MYH14: variants seen among roughly 807,000 people sequenced by gnomAD.
MYH14 encodes myosin heavy chain 14.
A neutral mutation model predicts 255.5 loss-of-function variants in MYH14; 123 were observed. The ratio of observed to expected loss-of-function variants is 0.48; its 90% CI spans 0.42 to 0.56. MYH14 has a LOEUF of 0.56. MYH14 is among the 20% of genes least tolerant of loss of function. The pLI is 0.00. For missense variants in MYH14, 2,423 were observed against 2,802.3 expected (o/e 0.86, Z 3.06); for synonymous variants, 1,095 against 1,161.2 (o/e 0.94, Z 1.16).
chr19:50,295,386 A>C (rs2036233926), intron 39 of MYH14, among the ~76,000 whole-genome samples: 1 of 152,174 alleles, frequency 6.6e-6, no homozygotes, highest in Non-Finnish European at 1.5e-5. Context: ...TCATGCCTGT[A>C]ATCTCAGCAC....
At chr19:50,274,918 G>A (rs1414975112) in intron 27 of MYH14, among the ~76,000 whole-genome samples, 4 of 145,330 alleles carry the variant, frequency 2.8e-5, no homozygotes, top group East Asian at 4.0e-4. Context: ...GTGACAGAAC[G>A]AGACCCTCTC....
intron 15 of MYH14, among the ~76,000 whole-genome samples, chr19:50,251,219 T>C (rs575953072): frequency 6.6e-6 from 1 of 152,184 alleles, no homozygotes; most frequent in African/African-American, 2.4e-5. Context: ...CCGGCAAACA[T>C]TTTCTGTAAA....
rs950320701 is a variant in MYH14 at position 50,250,648 on chromosome 19, G to A, written c.1790G>A (p.Arg597Gln). The change falls in exon 15 of 43, where the codon CGG (arginine) becomes CAG (glutamine). Residue 597 changes from arginine to glutamine, a missense_variant. Physicochemically the swap from Arg to Gln is conservative, Grantham distance 43. Coordinates refer to ENST00000642316, the MANE Select transcript of MYH14 (RefSeq NM_001145809.2). This position sits in a 1 kb window ranked among gnomAD's most constrained non-coding sequence, Gnocchi z 5.4. ...AAGTTCCAGCGGCCGAGGCACCTGC[G>A]GGATCAGGCCGACTTCAGTGTTCTC... ...HPKFQRPRHL[R>Q]DQADFSVLHY... 36 of 1,613,836 alleles carry A rather than the reference G, an allele frequency of 2.2e-5. No homozygotes were observed. Among genetic ancestry groups the A allele is most frequent in the Middle Eastern group, 1.6e-4 (1 of 6,082 alleles).
intron 39 of MYH14, among the ~76,000 whole-genome samples, chr19:50,300,639 C>T (rs2036448457): frequency 7.0e-6 from 1 of 142,450 alleles, no homozygotes; most frequent in African/African-American, 2.5e-5. Flanking sequence ...ATTCCAGCTA[C>T]TCAAGAGGCT....
Position 50,309,952 on chromosome 19 carries a change from TCC to T in MYH14, c.*164_*165del. 1.3e-6 allele frequency: 1 copy of T among 754,418 alleles called. No homozygotes were observed. Among genetic ancestry groups the T allele is most frequent in the South Asian group, 1.6e-5 (1 of 63,870 alleles). The allele number at this position is 754,418 out of a possible 1,614,324, so 46.7% of individuals were successfully genotyped here. A position where few individuals can be genotyped will look rare whatever the true frequency, so the allele number is the denominator to read the frequency against. Reference sequence around the variant, plus strand: ...ACCCCCACCTGGGTCCCCTGCAACCTCCCATCAAAGGATGACCCCTAAACACA... The same window carrying T: ...ACCCCCACCTGGGTCCCCTGCAACCTCATCAAAGGATGACCCCTAAACACA... On this transcript the variant is annotated 3_prime_UTR_variant, in exon 43 of 43. Coordinates refer to ENST00000642316, the MANE Select transcript of MYH14 (RefSeq NM_001145809.2).
In MYH14 at chr19:50,260,762, C is replaced by CGT. The variant is rs1555768389; in HGVS notation, c.2424+49_2424+50dup. 6.8e-6 allele frequency: 9 copies of CGT among 1,316,086 alleles called. 1 individual carries two copies. Among genetic ancestry groups the CGT allele is most frequent in the Admixed American group, 3.6e-5 (2 of 55,662 alleles). The allele number at this position is 1,316,086 out of a possible 1,614,324, so 81.5% of individuals were successfully genotyped here. On this transcript the variant is annotated intron_variant, in intron 20 of 42. Coordinates refer to ENST00000642316, the MANE Select transcript of MYH14 (RefSeq NM_001145809.2). ...ATGCGTGTGTGCGTGTGTGTGTGTG[C>CGT]GTGCATGAGTGTGCGTGCATGTGTG...
chr19:50,205,549 C>A (rs955664724), intron 1 of MYH14: 1 of 152,336 alleles, frequency 6.6e-6, no homozygotes, highest in African/African-American at 2.4e-5. Context: ...CGGTCGGCGC[C>A]CCCAGGTAGC....
At chr19:50,282,109 A>G (rs2035745820) in intron 33 of MYH14, among the ~76,000 whole-genome samples, 1 of 152,210 alleles carries the variant, frequency 6.6e-6, no homozygotes, top group South Asian at 2.1e-4. Context: ...AAATATACGA[A>G]TACCTTCAGT....
intron 21 of MYH14, 37 bp downstream of exon 21, chr19:50,261,672 C>G: frequency 1.3e-6 from 2 of 1,541,598 alleles, no homozygotes; most frequent in Non-Finnish European, 1.7e-6. Context: ...TCCTGTTGGC[C>G]GAGACTGGGT....
At chr19:50,240,429 A>T (rs2033846293) in intron 10 of MYH14, among the ~76,000 whole-genome samples, 1 of 152,178 alleles carries the variant, frequency 6.6e-6, no homozygotes, top group South Asian at 2.1e-4. Context: ...ACATTTTTTT[A>T]AATTAGCTGG....
In MYH14 at chr19:50,208,447, C is replaced by A. The variant is rs993364319; in HGVS notation, c.-3-1916C>A. Among the ~76,000 whole-genome samples, 80 of 144,552 alleles carry A rather than the reference C, an allele frequency of 5.5e-4. 1 individual carries two copies. Among genetic ancestry groups the A allele is most frequent in the Admixed American group, 3.6e-3 (53 of 14,742 alleles). The allele number at this position is 144,552 out of a possible 152,430, so 94.8% of individuals were successfully genotyped here. ...AAAAACAAACAAACAAACAAACAAA[C>A]AAACAAACAAAAAAACCCAACAAAC... On this transcript the variant is annotated intron_variant, in intron 1 of 42. Transcript: ENST00000642316.
chr19:50,252,169 G>A lies in MYH14; in HGVS notation c.1831-470G>A, dbSNP rs1366266925. Among the ~76,000 whole-genome samples the A allele has an allele frequency of 1.3e-5, 2 of 152,172 alleles. No homozygotes were observed. Among genetic ancestry groups the A allele is most frequent in the East Asian group, 3.9e-4 (2 of 5,186 alleles). ...TCAGACCTGGGCCCTGCCCTCGGGG[G>A]ACCGCTGTCTGGTGGGGGGCACATA... On this transcript the variant is annotated intron_variant, in intron 15 of 42. Coordinates refer to ENST00000642316, the MANE Select transcript of MYH14 (RefSeq NM_001145809.2). The surrounding 1 kb of genome is among the most constrained non-coding windows in gnomAD (Gnocchi z 4.2).
Position 50,259,277 on chromosome 19 carries a change from C to G in MYH14, c.2354+12C>G, listed in dbSNP as rs1052305922. ...GAGTTCCGGCAGCGGTGAGCTAGAG[C>G]GAGGGCCCAGGCCCGGCGGAGGGGC... On this transcript the variant is annotated intron_variant, in intron 19 of 42. Transcript: ENST00000642316. 2 of 1,563,410 alleles carry G rather than the reference C, an allele frequency of 1.3e-6. No homozygotes were observed. Among genetic ancestry groups the G allele is most frequent in the African/African-American group, 1.4e-5 (1 of 73,586 alleles).
intron 40 of MYH14, among the ~76,000 whole-genome samples, chr19:50,302,699 G>T (rs181370531): frequency 6.6e-6 from 1 of 152,140 alleles, no homozygotes; most frequent in African/African-American, 2.4e-5. Context: ...TCGGGAGTTC[G>T]AGACCAGCCT....
chr19:50,286,406 CT>C (rs1378802662), intron 33 of MYH14, 75 bp from the exon 34 acceptor site: 2 of 1,348,322 alleles, frequency 1.5e-6, no homozygotes, highest in African/African-American at 2.9e-5. Flanking sequence ...TTCCTGGCTG[CT>C]CCCTCTTCCC....
At chr19:50,281,567 C>T (rs770357760) in intron 32 of MYH14, 27 bp from the exon 33 acceptor site, 15 of 1,548,490 alleles carry the variant, frequency 9.7e-6, no homozygotes, top group Non-Finnish European at 1.3e-5. Context: ...CCGTGACCAC[C>T]AACCACCCTC....
chr19:50,260,631 C>T lies in MYH14; in HGVS notation c.2355-15C>T, dbSNP rs1404385507. 5 of 1,605,684 alleles carry T rather than the reference C, an allele frequency of 3.1e-6. No homozygotes were observed. The highest frequency in any genetic ancestry group is 4.3e-6 in the Non-Finnish European group (5 of 1,173,104). ...CTGTAACTCTCTCCTCCCCACCCCT[C>T]CCTGCTCATTGCAGATACGAGATCC... On this transcript the variant is annotated splice_polypyrimidine_tract_variant and intron_variant, in intron 19 of 42. Coordinates refer to ENST00000642316, the MANE Select transcript of MYH14 (RefSeq NM_001145809.2).
At chr19:50,224,032 T>TGCCCCCCCCCCCCCCCCCCCCCC in intron 5 of MYH14, 122 bp from the exon 6 acceptor site, 1 of 610,332 alleles carries the variant, frequency 1.6e-6, no homozygotes. Context: ...ATGCCCGGTT[T>TGCCCCCCCCCCCCCCCCCCCCCC]CCCCAGTCCC....
intron 39 of MYH14, among the ~76,000 whole-genome samples, chr19:50,298,079 C>A (rs754423627): frequency 2.0e-5 from 3 of 152,070 alleles, no homozygotes; most frequent in Non-Finnish European, 4.4e-5. Flanking sequence ...CAAACCCTGT[C>A]CTCTTGGGCC....
Sources: allele counts gnomAD v4.1 joint callset (sites outside exome capture counted in the v4.1 genomes callset), GRCh38; gene constraint gnomAD v4.1.1; non-coding constraint Gnocchi (gnomAD v3.1); transcripts MANE v1.5; gene names NCBI Gene and HGNC (gene_info 2026-07-23, HGNC 2026-07-21).